EIF2AK1: variants seen among roughly 807,000 people sequenced by gnomAD.
EIF2AK1 encodes eukaryotic translation initiation factor 2 alpha kinase 1.
In EIF2AK1, 54 loss-of-function variants were observed where a neutral mutation model predicts 77.9. The ratio of observed to expected loss-of-function variants is 0.69; its 90% CI spans 0.56 to 0.87. EIF2AK1 has a LOEUF of 0.87. Among genes scored for constraint, EIF2AK1 ranks in the 40% least tolerant of loss-of-function variants. The probability of loss-of-function intolerance (pLI) is 0.00; values close to 1 mark genes in which losing one functional copy is unlikely to be tolerated. For synonymous variants in EIF2AK1, 314 were observed against 290.5 expected (o/e 1.08, Z -0.82); for missense variants, 810 against 768.6 (o/e 1.05, Z -0.64).
chr7:6,046,957 G>C (rs1399778567), intron 5 of EIF2AK1, 35 bp downstream of exon 5: 4 of 1,488,334 alleles, frequency 2.7e-6, no homozygotes, highest in Non-Finnish European at 2.8e-6. Flanking sequence ...CAATTATTTA[G>C]GGTAGTAGGT....
Position 6,036,368 on chromosome 7 carries a change from C to T in EIF2AK1, c.1332+1056G>A, listed in dbSNP as rs915416395. The T allele has an allele frequency of 6.6e-6, 10 of 1,507,192 alleles. No individual in the cohort carries two copies. Among genetic ancestry groups the T allele is most frequent in the Admixed American group, 2.2e-5 (1 of 44,726 alleles). 93.4% of individuals were successfully genotyped at this position (1,507,192 alleles called of 1,614,324 possible). ...GGAATTCTGTCTACTGCTGTTATGA[C>T]TTGGCATATACCTCTTGAAATAAGA... On this transcript the variant is annotated intron_variant, in intron 11 of 14. Transcript: ENST00000199389. The surrounding 1 kb of genome is among the most constrained non-coding windows in gnomAD (Gnocchi z 4.6).
intron 7 of EIF2AK1, among the ~76,000 whole-genome samples, chr7:6,044,070 G>A (rs978295979): frequency 6.6e-6 from 1 of 151,580 alleles, no homozygotes; most frequent in Non-Finnish European, 1.5e-5. Flanking sequence ...CTACACTCCA[G>A]CCTGGGTGAC....
Position 6,029,060 on chromosome 7 carries a change from C to T in EIF2AK1, c.1333-28G>A, listed in dbSNP as rs6951018. 2,757 of 1,536,060 alleles carry T rather than the reference C, an allele frequency of 1.8e-3. 37 individuals are homozygous for T. The African/African-American group carries it at 0.032, about 18-fold the overall frequency. ...ATCAACAAACAAAACAAGTCAACTC[C>T]TTGGCTTTCTTAAAACAAATAGTAA... On this transcript the variant is annotated intron_variant, in intron 11 of 14. Transcript: ENST00000199389.
rs1442542558 is a variant in EIF2AK1 at position 6,022,641 on chromosome 7, G to C, written c.*2032C>G. 1 of 152,158 alleles carries C rather than the reference G, an allele frequency of 6.6e-6. No homozygotes were observed. Among genetic ancestry groups the C allele is most frequent in the African/African-American group, 2.4e-5 (1 of 41,406 alleles). The allele number at this position is 152,158 out of a possible 1,614,324, so 9.4% of individuals were successfully genotyped here. A position where few individuals can be genotyped will look rare whatever the true frequency, so the allele number is the denominator to read the frequency against. On this transcript the variant is annotated 3_prime_UTR_variant, in exon 15 of 15. Coordinates refer to ENST00000199389, the MANE Select transcript of EIF2AK1 (RefSeq NM_014413.4). ...GATGAAGCAACGCAAAGATGCCCTT[G>C]TTCGTCTGCAAAATTTAGGGTCTCT...
intron 7 of EIF2AK1, among the ~76,000 whole-genome samples, chr7:6,043,518 T>G (rs1307941565): frequency 6.6e-6 from 1 of 152,038 alleles, no homozygotes; most frequent in Non-Finnish European, 1.5e-5. Flanking sequence ...AACCTCCACC[T>G]CCCGGGTTCA....
chr7:6,058,032 T>C, intron 1 of EIF2AK1: 1 of 410,408 alleles, frequency 2.4e-6, no homozygotes, highest in Non-Finnish European at 4.8e-6. Flanking sequence ...CTCTTTCACC[T>C]AGTTAGAGTC....
Position 6,023,881 on chromosome 7 carries a change from C to G in EIF2AK1, c.*792G>C. On this transcript the variant is annotated 3_prime_UTR_variant, in exon 15 of 15. Coordinates refer to ENST00000199389, the MANE Select transcript of EIF2AK1 (RefSeq NM_014413.4). Reference sequence around the variant, plus strand: ...TTCAGCAAAATCATACGCCATCTACCGTGATGACTGCCAACTCCATGGCAG... The same window carrying G: ...TTCAGCAAAATCATACGCCATCTACGGTGATGACTGCCAACTCCATGGCAG... 6.6e-7 allele frequency: 1 copy of G among 1,524,508 alleles called. No homozygotes were observed. Among genetic ancestry groups the G allele is most frequent in the Non-Finnish European group, 8.8e-7 (1 of 1,134,894 alleles). The allele number at this position is 1,524,508 out of a possible 1,614,324, so 94.4% of individuals were successfully genotyped here. A position where few individuals can be genotyped will look rare whatever the true frequency, so the allele number is the denominator to read the frequency against.
At chr7:6,034,667 C>G (rs1054967279) in intron 11 of EIF2AK1, among the ~76,000 whole-genome samples, 2 of 152,184 alleles carry the variant, frequency 1.3e-5, no homozygotes, top group African/African-American at 2.4e-5. Context: ...TAGGGCCTCA[C>G]GCTAAACAAA....
rs773350468 is a variant in EIF2AK1, at chr7:6,023,570, T to C, written c.*1103A>G. On this transcript the variant is annotated 3_prime_UTR_variant, in exon 15 of 15. Transcript: ENST00000199389. Reference sequence around the variant, plus strand: ...GAACTCACCGTAGCAGACGTGGTGCTGTGGTCTGTACTCCAGCAGATCGGA... The same window carrying C: ...GAACTCACCGTAGCAGACGTGGTGCCGTGGTCTGTACTCCAGCAGATCGGA... The C allele has an allele frequency of 2.5e-6, 4 of 1,614,244 alleles. No individual in the cohort carries two copies. The highest frequency in any genetic ancestry group is 1.3e-5 in the African/African-American group (1 of 75,064).
At chr7:6,056,539 A>G (rs1273633414) in intron 1 of EIF2AK1, among the ~76,000 whole-genome samples, 1 of 145,096 alleles carries the variant, frequency 6.9e-6, no homozygotes, top group East Asian at 2.1e-4. Context: ...GGTTGCAGTG[A>G]GCCGAGATCG....
Position 6,046,116 on chromosome 7 carries a change from T to A in EIF2AK1, c.585A>T (p.Ile195=), listed in dbSNP as rs778072981. Residue 195 remains isoleucine, a synonymous_variant, in exon 6 of 15, where the codon ATA becomes ATT. Transcript: ENST00000199389. ...TTGCACCCTTAATCAGGATTTTTTTTATTGCATAATACTGACCATCTAATT... is the reference window on the plus strand; with the variant it reads ...TTGCACCCTTAATCAGGATTTTTTTAATTGCATAATACTGACCATCTAATT... The part of the protein sequence containing the change: ...RNKLDGQYYA[I]KKILIKGATK... 3 of 1,574,264 alleles carry A rather than the reference T, an allele frequency of 1.9e-6. No homozygotes were observed. Among genetic ancestry groups the A allele is most frequent in the Admixed American group, 2.0e-5 (1 of 50,084 alleles).
intron 7 of EIF2AK1, among the ~76,000 whole-genome samples, chr7:6,044,055 C>T (rs535326506): frequency 4.7e-5 from 7 of 150,512 alleles, no homozygotes; most frequent in East Asian, 4.1e-4. Context: ...GCAAAGATCG[C>T]GCCACTACAC....
At chr7:6,044,791 G>A in intron 6 of EIF2AK1, 130 bp from the exon 7 acceptor site, 1 of 715,904 alleles carries the variant, frequency 1.4e-6, no homozygotes, top group Non-Finnish European at 2.3e-6. Flanking sequence ...CACAATTTTT[G>A]ACATACTTTG....
rs1583495029 is a variant in EIF2AK1, at chr7:6,048,686, CA to C, written c.449+120del. The C allele has an allele frequency of 4.9e-6, 4 of 823,072 alleles. No individual in the cohort carries two copies. The East Asian group carries it at 1.2e-4, about 25-fold the overall frequency. The allele number at this position is 823,072 out of a possible 1,614,324, so 51.0% of individuals were successfully genotyped here. A position where few individuals can be genotyped will look rare whatever the true frequency, so the allele number is the denominator to read the frequency against. On this transcript the variant is annotated intron_variant, in intron 4 of 14. Coordinates refer to ENST00000199389, the MANE Select transcript of EIF2AK1 (RefSeq NM_014413.4). ...CAGAGCAGTACTTAATTGCTGAGAA[CA>C]AAGTTTTTAATGTTCATAAATAATA... is the stretch of plus-strand genomic sequence containing the variant.
intron 5 of EIF2AK1, 126 bp downstream of exon 5, chr7:6,046,866 A>G: frequency 5.8e-6 from 5 of 856,270 alleles, no homozygotes; most frequent in East Asian, 2.9e-5. Flanking sequence ...TGCGCCGCGC[A>G]CTCCAGCCTG....
Position 6,023,304 on chromosome 7 carries a change from G to A in EIF2AK1, c.*1369C>T, listed in dbSNP as rs1583468914. ...ACCTGGCGTGTTTTTTCTTTTCAGT[G>A]CCGAAGACGCAGATGAAATTCAGCA... On this transcript the variant is annotated 3_prime_UTR_variant, in exon 15 of 15. Transcript: ENST00000199389. 6.3e-7 allele frequency: 1 copy of A among 1,588,410 alleles called. No individual in the cohort carries two copies. Among genetic ancestry groups the A allele is most frequent in the East Asian group, 2.2e-5 (1 of 44,696 alleles).
rs868232770 is a variant in EIF2AK1 at position 6,043,674 on chromosome 7, G to A, written c.731-681C>T. Among the ~76,000 whole-genome samples, 10 of 151,582 alleles carry A rather than the reference G, an allele frequency of 6.6e-5. 1 individual carries two copies. The highest frequency in any genetic ancestry group is 6.8e-3 in the Middle Eastern group (2 of 294). On this transcript the variant is annotated intron_variant, in intron 7 of 14. Transcript: ENST00000199389. ...GAACTCCTGACCTTGTGATCCTCCT[G>A]CCTCGGCCTCCCAAAGTGTTGGGAT...
At chr7:6,046,255 GTAAAA>G (rs1788441883) in intron 5 of EIF2AK1, 104 bp from the exon 6 acceptor site, 4 of 554,522 alleles carry the variant, frequency 7.2e-6, no homozygotes, top group Non-Finnish European at 1.2e-5. Flanking sequence ...AGCCAAAGAG[GTAAAA>G]TATAGCTAAA....
intron 2 of EIF2AK1, among the ~76,000 whole-genome samples, chr7:6,052,021 A>G (rs1164256110): frequency 7.2e-5 from 11 of 151,778 alleles, no homozygotes; most frequent in Admixed American, 7.2e-4. Context: ...AAATACAAAA[A>G]ATCAGCCGGG....
Sources: allele counts gnomAD v4.1 joint callset (sites outside exome capture counted in the v4.1 genomes callset), GRCh38; gene constraint gnomAD v4.1.1; non-coding constraint Gnocchi (gnomAD v3.1); transcripts MANE v1.5; gene names NCBI Gene and HGNC (gene_info 2026-07-23, HGNC 2026-07-21).